SORBS2: variants seen among roughly 807,000 people sequenced by gnomAD.
The protein encoded by SORBS2 is sorbin and SH3 domain containing 2.
Under a neutral mutation model 97.7 loss-of-function variants are expected in SORBS2, and 46 were observed. The observed-to-expected ratio is 0.47, with a 90% CI of 0.37 to 0.60. SORBS2 has a LOEUF of 0.60. Among genes scored for constraint, SORBS2 ranks in the 20% least tolerant of loss-of-function variants. The pLI, the probability that SORBS2 is intolerant of heterozygous loss-of-function variation, is 0.00. For synonymous variants in SORBS2, 476 were observed against 473.4 expected (o/e 1.01, Z -0.07); for missense variants, 1,316 against 1,282.3 (o/e 1.03, Z -0.40).
At chr4:185,832,685 C>CT (rs916855838) in intron 1 of SORBS2, among the ~76,000 whole-genome samples, 24 of 152,142 alleles carry the variant, frequency 1.6e-4, no homozygotes, top group African/African-American at 5.3e-4. Context: ...ACAGTTGTAA[C>CT]TTTTTTCTGA....
chr4:185,615,222 C>A (rs1428045248), intron 9 of SORBS2, 63 bp from the exon 22 acceptor site: 7 of 956,994 alleles, frequency 7.3e-6, no homozygotes, highest in African/African-American at 1.6e-5. Context: ...AAGATCAACA[C>A]CCTCGCTAGA....
intron 2 of SORBS2, among the ~76,000 whole-genome samples, chr4:185,758,255 C>T (rs2098842754): frequency 6.6e-6 from 1 of 152,202 alleles, no homozygotes; most frequent in African/African-American, 2.4e-5. Context: ...CACCAAATTG[C>T]TCTAGCCAGG....
At chr4:185,737,870 C>T (rs563317743) in intron 2 of SORBS2, among the ~76,000 whole-genome samples, 1 of 152,298 alleles carries the variant, frequency 6.6e-6, no homozygotes, top group South Asian at 2.1e-4. Context: ...TTCCACCCTC[C>T]GCTCAGCTAC....
chr4:185,842,069 C>T (rs2099211886), intron 1 of SORBS2, among the ~76,000 whole-genome samples: 1 of 152,136 alleles, frequency 6.6e-6, no homozygotes, highest in Non-Finnish European at 1.5e-5. Context: ...GAGCTTATCT[C>T]CTAGAAGGAG....
In SORBS2 at chr4:185,606,253, T is replaced by A. The variant is rs2096415403; in HGVS notation, c.2796+5527A>T. ...GATTAAAGATGTGGAGTTTTTAGAATAGTGTCTGATACTCAGTAAGAGCTC... is the reference window on the plus strand; with the variant it reads ...GATTAAAGATGTGGAGTTTTTAGAAAAGTGTCTGATACTCAGTAAGAGCTC... On this transcript the variant is annotated intron_variant, in intron 12 of 14. Coordinates refer to ENST00000418609, the Ensembl canonical transcript of SORBS2. The surrounding 1 kb of genome is among the most constrained non-coding windows in gnomAD (Gnocchi z 4.3). 1.0e-6 allele frequency: 1 copy of A among 985,112 alleles called. No homozygotes were observed. The highest frequency in any genetic ancestry group is 1.2e-6 in the Non-Finnish European group (1 of 829,772). 61.0% of individuals were successfully genotyped at this position (985,112 alleles called of 1,614,324 possible). A position where few individuals can be genotyped will look rare whatever the true frequency, so the allele number is the denominator to read the frequency against.
At chr4:185,657,424 C>T, upstream of SORBS2, 1 of 1,538,202 alleles carries the variant, frequency 6.5e-7, no homozygotes, top group Non-Finnish European at 8.7e-7. Flanking sequence ...CATTTCCTAC[C>T]GTTCTAATTG....
At chr4:185,938,097 C>T (rs1424392733) in intron 1 of SORBS2, among the ~76,000 whole-genome samples, 1 of 150,272 alleles carries the variant, frequency 6.7e-6, no homozygotes, top group Non-Finnish European at 1.5e-5. Flanking sequence ...GCAACCCCCA[C>T]CTCCCGGTTC....
chr4:185,825,007 A>C (rs899912172), intron 1 of SORBS2, among the ~76,000 whole-genome samples: 1 of 152,186 alleles, frequency 6.6e-6, no homozygotes, highest in African/African-American at 2.4e-5. Flanking sequence ...CTGGGATTTC[A>C]TTGCATCTCC....
chr4:185,616,119 G>A (rs1326953784), intron 9 of SORBS2, among the ~76,000 whole-genome samples: 1 of 151,882 alleles, frequency 6.6e-6, no homozygotes, highest in African/African-American at 2.4e-5. Flanking sequence ...CTCCCACTCT[G>A]GAATCTTCTG....
chr4:185,839,259 C>T (rs2099210077), intron 1 of SORBS2, among the ~76,000 whole-genome samples: 1 of 152,252 alleles, frequency 6.6e-6, no homozygotes, highest in Admixed American at 6.5e-5. Flanking sequence ...GACTTAACCT[C>T]AGCCGCTGGC....
intron 1 of SORBS2, among the ~76,000 whole-genome samples, chr4:185,908,140 C>T (rs184711520): frequency 8.6e-5 from 13 of 151,868 alleles, no homozygotes; most frequent in Admixed American, 5.2e-4. Flanking sequence ...AGCTGCTTCA[C>T]ACACATTCTA....
At chr4:185,631,125 G>A (rs2096899568) in intron 4 of SORBS2, among the ~76,000 whole-genome samples, 1 of 152,136 alleles carries the variant, frequency 6.6e-6, no homozygotes, top group Non-Finnish European at 1.5e-5. Flanking sequence ...TGTCAACATA[G>A]ACATGACGTT....
chr4:185,620,106 C>T (rs147560723), exon 8 of SORBS2: 180 of 1,612,466 alleles, frequency 1.1e-4, no homozygotes, highest in Non-Finnish European at 2.2e-5. Context: ...TGCACTTCTC[C>T]CCATGTCAGT....
chr4:185,856,283 C>T lies in SORBS2; in HGVS notation c.-337-80917G>A, dbSNP rs116404819. On this transcript the variant is annotated intron_variant, in intron 1 of 20. Coordinates refer to the SORBS2 transcript ENST00000284776. Reference sequence around the variant, plus strand: ...CCCACACAGCTCTATGTGACCAGGGCGAGTTTCTTAACTCATTGAGTTTTT... The same window carrying T: ...CCCACACAGCTCTATGTGACCAGGGTGAGTTTCTTAACTCATTGAGTTTTT... 7.9e-3 allele frequency among the ~76,000 whole-genome samples: 1,201 copies of T among 152,234 alleles called. 15 individuals carry two copies. The highest frequency in any genetic ancestry group is 0.027 in the African/African-American group (1,101 of 41,532).
chr4:185,911,617 C>T (rs184695495), intron 1 of SORBS2, among the ~76,000 whole-genome samples: 6 of 152,218 alleles, frequency 3.9e-5, no homozygotes, highest in South Asian at 2.1e-4. Context: ...ACATCTAAGT[C>T]GGGATGTATC....
At chr4:185,612,736 C>T (rs750242898) in intron 11 of SORBS2, among the ~76,000 whole-genome samples, 4 of 152,186 alleles carry the variant, frequency 2.6e-5, no homozygotes, top group South Asian at 2.1e-4. Context: ...GTGATCTGAC[C>T]GCCTCGGCCT....
intron 1 of SORBS2, among the ~76,000 whole-genome samples, chr4:185,841,714 G>A (rs2099211668): frequency 6.6e-6 from 1 of 152,190 alleles, no homozygotes; most frequent in African/African-American, 2.4e-5. Flanking sequence ...TTTGGTAAAA[G>A]TCCCTCAGAA....
chr4:185,834,104 T>C (rs1418479171), intron 1 of SORBS2, among the ~76,000 whole-genome samples: 2 of 152,192 alleles, frequency 1.3e-5, no homozygotes, highest in Non-Finnish European at 2.9e-5. Flanking sequence ...GTATAAAATA[T>C]ATACACCTGT....
At chr4:185,812,829 A>T (rs552494970) in intron 1 of SORBS2, 8 of 152,334 alleles carry the variant, frequency 5.3e-5, no homozygotes, top group African/African-American at 1.7e-4. Flanking sequence ...TAGAATTTTT[A>T]AAAAATCCTA....
Sources: gnomAD v4.1 joint callset for allele counts (sites outside exome capture counted in the v4.1 genomes callset) on GRCh38, gnomAD v4.1.1 for gene constraint, Gnocchi (gnomAD v3.1) non-coding constraint, MANE v1.5 for transcripts, NCBI Gene and HGNC (gene_info 2026-07-23, HGNC 2026-07-21) for gene names.